ZCCHC4: variants seen among roughly 807,000 people sequenced by gnomAD.
ZCCHC4 encodes zinc finger CCHC-type containing 4.
A neutral mutation model predicts 67.7 loss-of-function variants in ZCCHC4; 54 were observed. The ratio of observed to expected loss-of-function variants is 0.80; its 90% CI spans 0.64 to 1.00. The LOEUF is 1.00. Ranked by LOEUF, ZCCHC4 falls within the 50% of genes least tolerant of loss-of-function variation. The pLI is 0.00. For missense variants in ZCCHC4, 609 were observed against 617.0 expected (o/e 0.99, Z 0.14); for synonymous variants, 198 against 213.5 (o/e 0.93, Z 0.63).
At chr4:25,342,220 G>T (rs186897668) in intron 5 of ZCCHC4, among the ~76,000 whole-genome samples, 1 of 152,076 alleles carries the variant, frequency 6.6e-6, no homozygotes, top group Non-Finnish European at 1.5e-5. Context: ...ACAGCATGAC[G>T]GAGTGTGTGG....
At chr4:25,313,025 C>G in intron 1 of ZCCHC4, 89 bp downstream of exon 1, 4 of 1,537,596 alleles carry the variant, frequency 2.6e-6, no homozygotes, top group Non-Finnish European at 3.5e-6. Flanking sequence ...TGTATTTTTA[C>G]CCGCCTCTTT....
intron 11 of ZCCHC4, 140 bp from the exon 12 acceptor site, chr4:25,364,882 T>C: frequency 8.4e-7 from 1 of 1,194,852 alleles, no homozygotes. Flanking sequence ...CCCTGGTCTC[T>C]TTAGCCAAAC....
rs767533921 is a variant in ZCCHC4, at chr4:25,351,642, T to C, written c.964T>C (p.Ser322Pro). The change falls in exon 8 of 13, where the codon TCC becomes CCC. Residue 322 changes from serine (S) to proline (P), a missense_variant. Transcript: ENST00000302874. Reference sequence around the variant, plus strand: ...CTGGATTTTCCCCTATTTTTTTGAATCCCGAATTTGTCAGTTTTTTCCAAG... The same window carrying C: ...CTGGATTTTCCCCTATTTTTTTGAACCCCGAATTTGTCAGTTTTTTCCAAG... ...IFWIFPYFFE[S>P]RICQFFPSFQ... 6.8e-6 allele frequency: 11 copies of C among 1,612,558 alleles called. No homozygotes were observed. In the East Asian group the frequency reaches 2.5e-4, roughly 36 times the overall value.
At chr4:25,324,012 G>GTTTTTTTTTTTTTTTTTTTTTT (rs1250841223) in intron 3 of ZCCHC4, among the ~76,000 whole-genome samples, 1 of 18,588 alleles carries the variant, frequency 5.4e-5, no homozygotes, top group Non-Finnish European at 9.6e-5. Context: ...ACTGTTTTTT[G>GTTTTTTTTTTTTTTTTTTTTTT]TGTTTTTTTT....
chr4:25,368,238 C>G (rs1721020417), intron 12 of ZCCHC4, among the ~76,000 whole-genome samples: 1 of 152,110 alleles, frequency 6.6e-6, no homozygotes, highest in African/African-American at 2.4e-5. Flanking sequence ...GGGAGGAGTC[C>G]TGGTTTGGCA....
intron 8 of ZCCHC4, 47 bp downstream of exon 8, chr4:25,351,736 C>T: frequency 6.9e-7 from 1 of 1,446,800 alleles, no homozygotes; most frequent in Non-Finnish European, 9.6e-7. Flanking sequence ...AATGGAGATT[C>T]TACTTGAATA....
intron 8 of ZCCHC4, chr4:25,352,413 T>G (rs1720344571): frequency 9.1e-6 from 9 of 985,092 alleles, no homozygotes; most frequent in Non-Finnish European, 1.1e-5. Flanking sequence ...AGGTACTGCT[T>G]CTTTTTTTTT....
In ZCCHC4 at chr4:25,369,626, G is replaced by T. The variant is rs190044382; in HGVS notation, c.*462G>T. 6.3e-4 allele frequency: 99 copies of T among 156,136 alleles called. No homozygotes were observed. Among genetic ancestry groups the T allele is most frequent in the African/African-American group, 1.9e-3 (79 of 41,534 alleles). The allele number at this position is 156,136 out of a possible 1,614,324, so 9.7% of individuals were successfully genotyped here. Reference sequence around the variant, plus strand: ...TTTTTGTATTTTTAGTAGAGACGGGGTTTCACCATGTTGGCCAGGCTGGTC... The same window carrying T: ...TTTTTGTATTTTTAGTAGAGACGGGTTTTCACCATGTTGGCCAGGCTGGTC... On this transcript the variant is annotated 3_prime_UTR_variant, in exon 13 of 13. Transcript: ENST00000302874.
chr4:25,362,186 A>C (rs768987185), intron 9 of ZCCHC4, 40 bp from the exon 10 acceptor site: 1 of 1,560,496 alleles, frequency 6.4e-7, no homozygotes, highest in Admixed American at 1.8e-5. Flanking sequence ...TGTAAATCTC[A>C]ATAAATGTAT....
Position 25,359,859 on chromosome 4 carries a change from G to A in ZCCHC4, c.1012-2000G>A, listed in dbSNP as rs913595246. Among the ~76,000 whole-genome samples the A allele has an allele frequency of 9.2e-5, 14 of 152,244 alleles. No individual in the cohort carries two copies. The highest frequency in any genetic ancestry group is 2.9e-4 in the African/African-American group (12 of 41,462). ...TTTCTGTTTGATGAGGGAACTGGCC[G>A]AGGTTTCCCTCCCGAGGAGGCCACA... is the stretch of plus-strand genomic sequence containing the variant. On this transcript the variant is annotated intron_variant, in intron 8 of 12. Transcript: ENST00000302874. The surrounding 1 kb of genome is among the most constrained non-coding windows in gnomAD (Gnocchi z 4.9).
At chr4:25,366,072 G>A (rs1720929791) in intron 12 of ZCCHC4, 1 of 975,102 alleles carries the variant, frequency 1.0e-6, no homozygotes, top group Non-Finnish European at 1.2e-6. Flanking sequence ...ATTGATTTGT[G>A]TTAGAAATAT....
chr4:25,348,248 C>G (rs1720115665), intron 6 of ZCCHC4, among the ~76,000 whole-genome samples: 1 of 152,110 alleles, frequency 6.6e-6, no homozygotes, highest in Admixed American at 6.6e-5. Context: ...TGAAGACTCT[C>G]CTAGGGAGAA....
chr4:25,313,710 C>T (rs1718083415), intron 1 of ZCCHC4, among the ~76,000 whole-genome samples: 1 of 151,432 alleles, frequency 6.6e-6, no homozygotes, highest in South Asian at 2.1e-4. Flanking sequence ...ACTCCGTCTA[C>T]AAAAAAAGAA....
chr4:25,363,406 A>C (rs1049631410), intron 10 of ZCCHC4, among the ~76,000 whole-genome samples: 5 of 152,308 alleles, frequency 3.3e-5, no homozygotes, highest in Non-Finnish European at 5.9e-5. Flanking sequence ...TTGTTTACTC[A>C]TTCACCTACT....
intron 5 of ZCCHC4, among the ~76,000 whole-genome samples, chr4:25,339,385 A>G (rs1040041812): frequency 6.6e-6 from 1 of 152,196 alleles, no homozygotes; most frequent in African/African-American, 2.4e-5. Flanking sequence ...AAGTGGCTGC[A>G]TCATATTTTA....
chr4:25,314,290 A>ATAC (rs1311606642), intron 2 of ZCCHC4, 126 bp downstream of exon 2: 4 of 616,878 alleles, frequency 6.5e-6, no homozygotes, highest in Non-Finnish European at 1.1e-5. Flanking sequence ...AGAGATGGAG[A>ATAC]TACTATGTTT....
chr4:25,345,580 G>T lies in ZCCHC4; in HGVS notation c.719G>T (p.Cys240Phe). 1.9e-6 allele frequency: 3 copies of T among 1,569,428 alleles called. No homozygotes were observed. Among genetic ancestry groups the T allele is most frequent in the Non-Finnish European group, 2.6e-6 (3 of 1,143,702 alleles). The change falls in exon 6 of 13, where the codon TGC becomes TTC. Residue 240 changes from cysteine to phenylalanine, a missense_variant. Transcript: ENST00000302874. ...CAGTTTTATATGGAAGATAGCTTTT[G>T]CCATTATAATATGTTTAACCATCAT... is the stretch of plus-strand genomic sequence containing the variant. ...YSQFYMEDSF[C>F]HYNMFNHHFF...
At chr4:25,316,126 G>A (rs1718249562) in intron 3 of ZCCHC4, among the ~76,000 whole-genome samples, 1 of 152,158 alleles carries the variant, frequency 6.6e-6, no homozygotes, top group Non-Finnish European at 1.5e-5. Context: ...ATGTCTTCAA[G>A]GTTCATGCAT....
At chr4:25,332,495 T>C (rs1300357305) in intron 3 of ZCCHC4, among the ~76,000 whole-genome samples, 1 of 152,184 alleles carries the variant, frequency 6.6e-6, no homozygotes, top group Non-Finnish European at 1.5e-5. Context: ...TTAAACATAC[T>C]GACCATGATT....
Sources: allele counts gnomAD v4.1 joint callset (sites outside exome capture counted in the v4.1 genomes callset), GRCh38; gene constraint gnomAD v4.1.1; non-coding constraint Gnocchi (gnomAD v3.1); transcripts MANE v1.5; gene names NCBI Gene and HGNC (gene_info 2026-07-23, HGNC 2026-07-21).